The following TRO variants were observed in gnomAD, a reference collection of about 807,000 sequenced individuals.
The protein encoded by TRO is trophinin.
In TRO, 29 loss-of-function variants were observed where a neutral mutation model predicts 42.3. That is an observed-to-expected ratio of 0.68 (90% confidence interval 0.51 to 0.93). TRO has a LOEUF of 0.93. TRO is among the 40% of genes least tolerant of loss of function. TRO has a pLI of 0.00. For synonymous variants in TRO, 384 were observed against 425.2 expected, an observed-to-expected ratio of 0.90 and a Z score of 1.19; for missense variants, 963 against 1,127.7, an observed-to-expected ratio of 0.85 and a Z score of 2.09.
Position 54,923,241 on chromosome X carries a change from CAA to C in TRO, c.711_712del (p.Gln237HisfsTer4). The C allele has an allele frequency of 8.3e-7, 1 of 1,211,691 alleles. No individual in the cohort carries two copies. The highest frequency in any genetic ancestry group is 1.1e-6 in the Non-Finnish European group (1 of 895,522). On this transcript the variant is annotated frameshift_variant, in exon 3 of 13. Coordinates refer to ENST00000173898, the MANE Select transcript of TRO (RefSeq NM_001039705.3). ...TATHTATTQG[Q>X]ITNETASIHT... Reference sequence around the variant, plus strand: ...CACCCATACAGCTACCACCCAAGGCCAAATTACCAATGAGACAGCCAGTATCC... The same window carrying C: ...CACCCATACAGCTACCACCCAAGGCCATTACCAATGAGACAGCCAGTATCC...
In TRO at chrX:54,928,894, A is replaced by G. The variant is rs756443610; in HGVS notation, c.2170A>G (p.Ser724Gly). The change falls in exon 12 of 13, where the codon AGC becomes GGC. Residue 724 changes from serine (S) to glycine (G), a missense_variant. Transcript: ENST00000173898. ...AGATGCCAGCACCAACGTCAACTTC[A>G]GCAGAGGAGCTAGTACCAGGGCTGG... ...NADASTNVNF[S>G]RGASTRAGFS... is the part of the protein sequence containing the mutation. The G allele has an allele frequency of 1.1e-5, 13 of 1,210,470 alleles. No individual in the cohort carries two copies. Among genetic ancestry groups the G allele is most frequent in the Middle Eastern group, 4.6e-4 (2 of 4,341 alleles).
Position 54,931,045 on chromosome X carries a change from T to A in TRO, c.*11+14T>A, listed in dbSNP as rs1234199854. The A allele has an allele frequency of 8.5e-7, 1 of 1,171,251 alleles. No individual in the cohort carries two copies. The highest frequency in any genetic ancestry group is 3.0e-5 in the East Asian group (1 of 33,290). On this transcript the variant is annotated intron_variant, in intron 12 of 12. Coordinates refer to ENST00000173898, the MANE Select transcript of TRO (RefSeq NM_001039705.3). ...GTGAGGTTTCAGGTAACTGCAATAT[T>A]TCCATAGCCAGGACCCACAGGGATG...
rs374689430 is a variant in TRO at position 54,929,409 on chromosome X, C to G, written c.2685C>G (p.Thr895=). ...TSTGFGGILS[T]SVCFGGSPSS... ...CTGGCTTTGGAGGCATACTCAGCACCAGTGTCTGTTTTGGTGGCTCTCCCA... is the reference window on the plus strand; with the variant it reads ...CTGGCTTTGGAGGCATACTCAGCACGAGTGTCTGTTTTGGTGGCTCTCCCA... Residue 895 remains threonine (T), a synonymous_variant, in exon 12 of 13, where the codon ACC becomes ACG. Transcript: ENST00000173898. 2.5e-5 allele frequency: 30 copies of G among 1,211,165 alleles called. No homozygotes were observed. Among genetic ancestry groups the G allele is most frequent in the Non-Finnish European group, 3.0e-5 (27 of 895,420 alleles).
At chrX:54,926,514 A>G (rs1227147001) in intron 8 of TRO, 25 bp downstream of exon 8, 2 of 1,210,252 alleles carry the variant, frequency 1.7e-6, no homozygotes, top group South Asian at 3.5e-5. Flanking sequence ...ATGCAGCTGA[A>G]TGGGCGGCCA....
Position 54,922,257 on chromosome X carries a change from G to A in TRO, c.11G>A (p.Arg4Lys). ...CGGCCTCCCAGAAAGATGGATAGGAGAAATGACTACGGATATAGGGTGCCT... is the reference window on the plus strand; with the variant it reads ...CGGCCTCCCAGAAAGATGGATAGGAAAAATGACTACGGATATAGGGTGCCT... MDR[R>K]NDYGYRVPLF... The change falls in exon 2 of 13, where the codon AGA becomes AAA. Residue 4 changes from arginine (R) to lysine (K), a missense_variant. Around this residue, in one of 2 missense-constraint regions of TRO, gnomAD observed 322 missense variants for 316.5 expected, o/e 1.02. Transcript: ENST00000173898. 1 of 1,209,686 alleles carries A rather than the reference G, an allele frequency of 8.3e-7. No individual in the cohort carries two copies.
chrX:54,925,525 G>A, intron 6 of TRO, 67 bp from the exon 7 acceptor site: 1 of 964,332 alleles, frequency 1.0e-6, no homozygotes, highest in East Asian at 3.2e-5. Flanking sequence ...GTTTTAGGAT[G>A]CCCGGAAAGT....
At position 54,930,561 on chromosome X, in the gene TRO, T is replaced by C. The variant is rs746857451; in HGVS notation, c.3837T>C (p.Phe1279=). The C allele has an allele frequency of 3.7e-5, 45 of 1,210,415 alleles. No individual in the cohort carries two copies. The South Asian group carries it at 7.0e-4, about 19-fold the overall frequency. ...FSGGLGTSAG[F]GGGLVTSDGF... ...GCGGACTGGGCACCAGTGCTGGCTTTGGTGGTGGACTGGTCACTAGTGATG... is the reference window on the plus strand; with the variant it reads ...GCGGACTGGGCACCAGTGCTGGCTTCGGTGGTGGACTGGTCACTAGTGATG... Residue 1279 remains phenylalanine, a synonymous_variant, in exon 12 of 13, where the codon TTT becomes TTC. Transcript: ENST00000173898.
In TRO at chrX:54,923,417, C is replaced by A; in HGVS notation, c.885C>A (p.Ile295=). The A allele has an allele frequency of 8.3e-7, 1 of 1,198,765 alleles. No homozygotes were observed. The highest frequency in any genetic ancestry group is 1.1e-6 in the Non-Finnish European group (1 of 888,550). ...TRQIEASVVA[I]RPKKSKGKKA... The stretch of plus-strand genomic sequence containing the variant: ...AGATTGAGGCCTCAGTAGTGGCTAT[C>A]AGGCCCAAAAAATCCAAGGGCAAGA... Residue 295 remains isoleucine (I), a synonymous_variant, in exon 3 of 13, where the codon ATC becomes ATA. Coordinates refer to ENST00000173898, the MANE Select transcript of TRO (RefSeq NM_001039705.3).
Position 54,928,948 on chromosome X carries a change from A to G in TRO, c.2224A>G (p.Asn742Asp). Residue 742 changes from asparagine (N) to aspartate (D), a missense_variant, in exon 12 of 13, where the codon AAT (asparagine) becomes GAT (aspartate). By Grantham distance (23) the Asn-to-Asp change is conservative (BLOSUM62 1). Coordinates refer to ENST00000173898, the MANE Select transcript of TRO (RefSeq NM_001039705.3). ...GFSDGASISF[N>D]GAPSSSGGFS... ...CAGCGATGGTGCTAGTATTAGCTTC[A>G]ATGGTGCACCCAGCTCCAGTGGTGG... The G allele has an allele frequency of 3.3e-6, 4 of 1,212,080 alleles. No individual in the cohort carries two copies. Among genetic ancestry groups the G allele is most frequent in the Non-Finnish European group, 4.5e-6 (4 of 895,544 alleles).
At chrX:54,928,014 G>T (rs1035850287) in intron 11 of TRO, among the ~76,000 whole-genome samples, 6 of 112,628 alleles carry the variant, frequency 5.3e-5, no homozygotes, top group Non-Finnish European at 9.4e-5. Context: ...CCATAGACTG[G>T]GTGGATTAAA....
At chrX:54,924,881 T>G in intron 5 of TRO, 108 bp from the exon 6 acceptor site, 1 of 980,704 alleles carries the variant, frequency 1.0e-6, no homozygotes, top group Non-Finnish European at 1.4e-6. Flanking sequence ...CATCTCCCAT[T>G]AACTCACTTC....
rs1933056755 is a variant in TRO at position 54,930,485 on chromosome X, G to C, written c.3761G>C (p.Gly1254Ala). The change falls in exon 12 of 13, where the codon GGC (glycine) becomes GCC (alanine). Residue 1254 changes from glycine to alanine, a missense_variant. By Grantham distance (60) the Gly-to-Ala change is moderately conservative. Transcript: ENST00000173898. ...GTSAGFGGGPGTSTGFGGGLG... is the reference protein window; with the variant it reads ...GTSAGFGGGPATSTGFGGGLG... ...AGCGCTGGCTTCGGTGGAGGACCAG[G>C]CACCAGCACTGGTTTTGGTGGTGGA... The C allele has an allele frequency of 8.3e-7, 1 of 1,208,880 alleles. No individual in the cohort carries two copies. Among genetic ancestry groups the C allele is most frequent in the Admixed American group, 2.2e-5 (1 of 45,744 alleles).
rs938932098 is a variant in TRO at position 54,928,642 on chromosome X, C to T, written c.1918C>T (p.Arg640Cys). ...CCCCAAGGACTGGGCTGTGCAGTACCGCGAGGCAGTGGAGATGGAAGTCCA... is the reference window on the plus strand; with the variant it reads ...CCCCAAGGACTGGGCTGTGCAGTACTGCGAGGCAGTGGAGATGGAAGTCCA... Reference protein sequence around the residue: ...KDPKDWAVQYREAVEMEVQAA... With the variant: ...KDPKDWAVQYCEAVEMEVQAA... Residue 640 changes from arginine (R) to cysteine (C), a missense_variant, in exon 12 of 13, where the codon CGC becomes TGC. Arg to Cys is a radical substitution (Grantham distance 180). Transcript: ENST00000173898. 13 of 1,186,787 alleles carry T rather than the reference C, an allele frequency of 1.1e-5. No homozygotes were observed. Among genetic ancestry groups the T allele is most frequent in the South Asian group, 7.7e-5 (4 of 52,079 alleles).
rs756330817 is a variant in TRO, at chrX:54,930,462, C to T, written c.3738C>T (p.Ser1246=). 23 of 1,204,248 alleles carry T rather than the reference C, an allele frequency of 1.9e-5. No homozygotes were observed. Among genetic ancestry groups the T allele is most frequent in the South Asian group, 3.5e-5 (2 of 56,339 alleles). Residue 1246 remains serine, a synonymous_variant, in exon 12 of 13, where the codon AGC becomes AGT. Transcript: ENST00000173898. ...SSGFDGGLGT[S]AGFGGGPGTS... ...GCTTTGATGGTGGGCTAGGTACCAG[C>T]GCTGGCTTCGGTGGAGGACCAGGCA... is the stretch of plus-strand genomic sequence containing the variant.
chrX:54,927,203 T>A, intron 10 of TRO, 98 bp downstream of exon 10: 1 of 948,300 alleles, frequency 1.1e-6, no homozygotes, highest in Non-Finnish European at 1.5e-6. Flanking sequence ...ATACTAGCTT[T>A]AGAGGGATGG....
In TRO at chrX:54,924,559, A is replaced by G. The variant is rs1454792075; in HGVS notation, c.1341+4A>G. 2.5e-6 allele frequency: 3 copies of G among 1,205,875 alleles called. No individual in the cohort carries two copies. In the South Asian group the frequency reaches 5.4e-5, roughly 22 times the overall value. On this transcript the variant is annotated splice_donor_region_variant and intron_variant, in intron 4 of 12. Transcript: ENST00000173898. The stretch of plus-strand genomic sequence containing the variant: ...TGTGGCCATTTTACAAGAAAGGGTA[A>G]GAATCCAATGCTGTCCAGTCTCTTC...
intron 11 of TRO, 44 bp from the exon 12 acceptor site, chrX:54,928,559 T>C (rs1231371676): frequency 1.8e-6 from 2 of 1,130,309 alleles, no homozygotes; most frequent in African/African-American, 1.8e-5. Context: ...TAATACATGA[T>C]TACTAGGGTT....
rs1223864271 is a variant in TRO at position 54,923,701 on chromosome X, C to A, written c.1169C>A (p.Ala390Glu). The A allele has an allele frequency of 2.5e-6, 3 of 1,211,478 alleles. No homozygotes were observed. The South Asian group carries it at 5.3e-5, about 21-fold the overall frequency. Reference sequence around the variant, plus strand: ...GTTGCTGCTGCTGTCCAGGCCCTGGCAGATGACTATCTGGCTCAGTTGAGC... The same window carrying A: ...GTTGCTGCTGCTGTCCAGGCCCTGGAAGATGACTATCTGGCTCAGTTGAGC... Reference protein sequence around the residue: ...TQVAAAVQALADDYLAQLSLE... With the variant: ...TQVAAAVQALEDDYLAQLSLE... The change falls in exon 3 of 13, where the codon GCA (alanine) becomes GAA (glutamate). Residue 390 changes from alanine to glutamate, a missense_variant. Physicochemically the swap from Ala to Glu is moderately radical, Grantham distance 107 (BLOSUM62 -1). Around this residue, in one of 2 missense-constraint regions of TRO, gnomAD observed 322 missense variants for 316.5 expected, o/e 1.02. Transcript: ENST00000173898.
At position 54,922,690 on chromosome X, in the gene TRO, A is replaced by G. The variant is rs1388204054; in HGVS notation, c.158A>G (p.Lys53Arg). Residue 53 changes from lysine (K) to arginine (R), a missense_variant, in exon 3 of 13, where the codon AAG becomes AGG. Lys to Arg is a conservative substitution (Grantham distance 26). Transcript: ENST00000173898. ...LLMHTLLAATKDSLAMDPPVV... is the reference protein window; with the variant it reads ...LLMHTLLAATRDSLAMDPPVV... Reference sequence around the variant, plus strand: ...ATGCATACCCTGTTGGCGGCAACCAAGGACTCCCTGGCCATGGACCCACCA... The same window carrying G: ...ATGCATACCCTGTTGGCGGCAACCAGGGACTCCCTGGCCATGGACCCACCA... 7 of 1,211,175 alleles carry G rather than the reference A, an allele frequency of 5.8e-6. No individual in the cohort carries two copies. The highest frequency in any genetic ancestry group is 7.8e-6 in the Non-Finnish European group (7 of 895,263).
Sources: gnomAD v4.1 joint callset for allele counts (sites outside exome capture counted in the v4.1 genomes callset) on GRCh38, gnomAD v4.1.1 for gene constraint, gnomAD v4.1.1 regional missense constraint, MANE v1.5 for transcripts, NCBI Gene and HGNC (gene_info 2026-07-23, HGNC 2026-07-21) for gene names.